Variants in RIMS1 observed in about 807,000 individuals in gnomAD.
The protein encoded by RIMS1 is regulating synaptic membrane exocytosis protein 1.
Under a neutral mutation model 214.1 loss-of-function variants are expected in RIMS1, and 83 were observed. The ratio of observed to expected loss-of-function variants is 0.39; its 90% confidence interval spans 0.32 to 0.47. The LOEUF (loss-of-function observed/expected upper bound fraction) is 0.47, where lower values mean the gene tolerates loss of function less well. Ranked by LOEUF, RIMS1 falls within the 20% of genes least tolerant of loss-of-function variation. The probability of loss-of-function intolerance (pLI) is 0.99; values close to 1 mark genes in which losing one functional copy is unlikely to be tolerated. For missense variants in RIMS1, 2,050 were observed against 2,161.8 expected (o/e 0.95, Z 1.03); for synonymous variants, 793 against 786.8 (o/e 1.01, Z -0.13).
In RIMS1 at chr6:72,035,993, T is replaced by C. The variant is rs555345335; in HGVS notation, c.246-60956T>C. Among the ~76,000 whole-genome samples the C allele has an allele frequency of 3.3e-5, 5 of 152,294 alleles. No homozygotes were observed. The South Asian group carries it at 1.0e-3, about 32-fold the overall frequency. ...TAACTAAAGAAGTAGGTAGCTGTTGTATTGTTATTTGGTGGATTCAAATCT... is the reference window on the plus strand; with the variant it reads ...TAACTAAAGAAGTAGGTAGCTGTTGCATTGTTATTTGGTGGATTCAAATCT... On this transcript the variant is annotated intron_variant, in intron 2 of 33. Transcript: ENST00000521978.
chr6:71,980,630 G>A (rs1798252232), intron 2 of RIMS1, among the ~76,000 whole-genome samples: 2 of 152,022 alleles, frequency 1.3e-5, no homozygotes, highest in Admixed American at 1.3e-4. Flanking sequence ...TAGTTGAAAG[G>A]AAAGTTTCAG....
intron 2 of RIMS1, among the ~76,000 whole-genome samples, chr6:71,981,523 G>A (rs1798470882): frequency 6.6e-6 from 1 of 152,054 alleles, no homozygotes; most frequent in African/African-American, 2.4e-5. Flanking sequence ...TAATCAGTGA[G>A]TAGGTCACAC....
At chr6:72,317,329 G>T (rs184446775) in intron 28 of RIMS1, 199 of 255,264 alleles carry the variant, frequency 7.8e-4, no homozygotes, top group African/African-American at 4.1e-3. Flanking sequence ...CCACCATAGC[G>T]ACTCTGCTGG....
chr6:72,389,752 A>G (rs2154435626), intron 29 of RIMS1, among the ~76,000 whole-genome samples: 1 of 152,350 alleles, frequency 6.6e-6, no homozygotes, highest in South Asian at 2.1e-4. Flanking sequence ...CAGTTTTCCT[A>G]ACCTATTGAT....
rs2095621280 is a variant in RIMS1 at position 72,313,649 on chromosome 6, T to G, written c.4107T>G (p.Ser1369=). ...GCACAAGCTTTATGTCAGAGCAATC[T>G]GAGCGCCCCAGGGGTAGAATCAGGT... ...LSSTSFMSEQ[S]ERPRGRISSF... The change falls in exon 28 of 34, where the codon TCT becomes TCG. Residue 1369 remains serine (S), a synonymous_variant. Transcript: ENST00000521978. 3 of 1,613,270 alleles carry G rather than the reference T, an allele frequency of 1.9e-6. No homozygotes were observed. Among genetic ancestry groups the G allele is most frequent in the Non-Finnish European group, 2.5e-6 (3 of 1,179,536 alleles).
rs990620328 is a variant in RIMS1, at chr6:72,083,330, CT to C, written c.246-13610del. On this transcript the variant is annotated intron_variant, in intron 2 of 33. Transcript: ENST00000521978. The stretch of plus-strand genomic sequence containing the variant: ...ATATCAGATTTTTAGAATCTCCTTT[CT>C]TTTTTTTTGTTTGTTGTGAATCAGC... Among the ~76,000 whole-genome samples, 8 of 151,194 alleles carry C rather than the reference CT, an allele frequency of 5.3e-5. No homozygotes were observed. In the East Asian group the frequency reaches 9.7e-4, roughly 18 times the overall value.
At chr6:71,974,859 T>C (rs1376854627) in intron 2 of RIMS1, among the ~76,000 whole-genome samples, 1 of 152,176 alleles carries the variant, frequency 6.6e-6, no homozygotes, top group Non-Finnish European at 1.5e-5. Context: ...TTAGAAAAGA[T>C]ACATTAATTT....
In RIMS1 at chr6:72,162,143, G is replaced by T. The variant is rs1281637601; in HGVS notation, c.472-17432G>T. ...ATTGATCCCTTTACCATTATGTAAT[G>T]GCCTTCTTTGTCTCTTTTGATCTTT... On this transcript the variant is annotated intron_variant, in intron 4 of 33. Coordinates refer to ENST00000521978, the MANE Select transcript of RIMS1 (RefSeq NM_014989.7). 1.4e-5 allele frequency among the ~76,000 whole-genome samples: 2 copies of T among 140,638 alleles called. 1 individual carries two copies. 92.3% of individuals were successfully genotyped at this position (140,638 alleles called of 152,430 possible). A position where few individuals can be genotyped will look rare whatever the true frequency, so the allele number is the denominator to read the frequency against.
chr6:72,343,299 T>G (rs2097155068), intron 29 of RIMS1, among the ~76,000 whole-genome samples: 1 of 151,754 alleles, frequency 6.6e-6, no homozygotes. Flanking sequence ...GTCTAGATTC[T>G]TAAGCCCATT....
At position 72,316,782 on chromosome 6, in the gene RIMS1, G is replaced by A. The variant is rs933255329; in HGVS notation, c.4130+3110G>A. The A allele has an allele frequency of 1.3e-5, 9 of 713,080 alleles. No individual in the cohort carries two copies. In the East Asian group the frequency reaches 1.9e-4, roughly 15 times the overall value. The allele number at this position is 713,080 out of a possible 1,614,324, so 44.2% of individuals were successfully genotyped here. The stretch of plus-strand genomic sequence containing the variant: ...TCCCTAGTAGGCAGGGCCAGTTGAC[G>A]GTAGACACTGGGGACAGTAGGTGGG... On this transcript the variant is annotated intron_variant, in intron 28 of 33. Transcript: ENST00000521978.
Position 72,182,937 on chromosome 6 carries a change from G to A in RIMS1, c.1466G>A (p.Arg489His), listed in dbSNP as rs899435352. 6.3e-7 allele frequency: 1 copy of A among 1,587,622 alleles called. No individual in the cohort carries two copies. Among genetic ancestry groups the A allele is most frequent in the Non-Finnish European group, 8.6e-7 (1 of 1,168,328 alleles). The stretch of plus-strand genomic sequence containing the variant: ...GCGGTCCTCATGCGGAAGGCCAAGC[G>A]CGAGAAGGTGGAGACCATGCTGCGG... ...SSAVLMRKAK[R>H]EKVETMLRND... The change falls in exon 6 of 34, where the codon CGC becomes CAC. Residue 489 changes from arginine (R) to histidine (H), a missense_variant. By Grantham distance (29) the Arg-to-His change is conservative. Transcript: ENST00000521978.
intron 29 of RIMS1, among the ~76,000 whole-genome samples, chr6:72,337,590 A>G (rs570625002): frequency 2.1e-4 from 32 of 151,230 alleles, no homozygotes; most frequent in Admixed American, 2.0e-3. Context: ...ATTTCATTTT[A>G]TTTATTTTTT....
At chr6:72,391,035 G>T (rs1292154939) in intron 30 of RIMS1, 2 of 255,732 alleles carry the variant, frequency 7.8e-6, no homozygotes, top group African/African-American at 4.4e-5. Context: ...AAATGCCACA[G>T]GTAATGGACT....
At chr6:71,986,066 TA>T (rs1799849370) in intron 2 of RIMS1, among the ~76,000 whole-genome samples, 2 of 152,320 alleles carry the variant, frequency 1.3e-5, no homozygotes, top group Admixed American at 6.5e-5. Context: ...ATACAGTTAA[TA>T]TTTTTTTCAT....
chr6:72,273,668 C>T (rs2084638099), intron 22 of RIMS1, among the ~76,000 whole-genome samples: 1 of 152,114 alleles, frequency 6.6e-6, no homozygotes, highest in Admixed American at 6.6e-5. Context: ...AAAATTAATG[C>T]TAATTTATCA....
intron 4 of RIMS1, among the ~76,000 whole-genome samples, chr6:72,125,123 A>G (rs1047305600): frequency 1.3e-5 from 2 of 152,142 alleles, no homozygotes; most frequent in Non-Finnish European, 2.9e-5. Context: ...GGTTTTATCT[A>G]ACTTTGATCT....
At chr6:72,233,616 A>G (rs1484415286) in intron 6 of RIMS1, among the ~76,000 whole-genome samples, 157 bp from the exon 7 acceptor site, 1 of 151,866 alleles carries the variant, frequency 6.6e-6, no homozygotes, top group East Asian at 1.9e-4. Flanking sequence ...CAGTGATTCA[A>G]GTCACAACCT....
chr6:72,274,527 C>T (rs1373483793), intron 23 of RIMS1, 95 bp downstream of exon 23: 3 of 935,896 alleles, frequency 3.2e-6, no homozygotes, highest in Non-Finnish European at 5.1e-6. Flanking sequence ...ATATGATGTA[C>T]TTTATTCCAG....
At chr6:71,952,971 C>T (rs1028577468) in intron 1 of RIMS1, among the ~76,000 whole-genome samples, 14 of 150,292 alleles carry the variant, frequency 9.3e-5, no homozygotes, top group Admixed American at 1.3e-4. Context: ...AATGCAGAAG[C>T]GCATCTTTTT....
Sources: allele counts gnomAD v4.1 joint callset (sites outside exome capture counted in the v4.1 genomes callset), GRCh38; gene constraint gnomAD v4.1.1; transcripts MANE v1.5; gene names NCBI Gene and HGNC (gene_info 2026-07-23, HGNC 2026-07-21).